The following ITGA9 variants were observed in gnomAD, a reference collection of about 807,000 sequenced individuals.
ITGA9 encodes integrin alpha-9.
A neutral mutation model predicts 127.8 loss-of-function variants in ITGA9; 56 were observed. The ratio of observed to expected loss-of-function variants is 0.44; its 90% CI spans 0.35 to 0.55. ITGA9 has a LOEUF of 0.55. ITGA9 is among the 20% of genes least tolerant of loss of function. The pLI is 0.00. For synonymous variants in ITGA9, 508 were observed against 514.5 expected (o/e 0.99, Z 0.17); for missense variants, 1,196 against 1,347.1 (o/e 0.89, Z 1.76).
Position 37,470,989 on chromosome 3 carries a change from C to CT in ITGA9, c.186-13dup. 1 of 1,613,882 alleles carries CT rather than the reference C, an allele frequency of 6.2e-7. No homozygotes were observed. The highest frequency in any genetic ancestry group is 1.6e-4 in the Middle Eastern group (1 of 6,062). ...CTTATCGTAGGTTGTGACAGAATGC[C>CT]TTTTTCTCTTGCTGCAGGGTCCTTG... On this transcript the variant is annotated splice_polypyrimidine_tract_variant and intron_variant, in intron 1 of 27. Transcript: ENST00000264741.
intron 26 of ITGA9, among the ~76,000 whole-genome samples, chr3:37,787,382 A>G (rs1357285106): frequency 6.6e-6 from 1 of 152,134 alleles, no homozygotes; most frequent in Non-Finnish European, 1.5e-5. Flanking sequence ...TTGGATTCCA[A>G]GTCATCTGTA....
intron 26 of ITGA9, chr3:37,790,401 C>A: frequency 2.1e-6 from 1 of 472,562 alleles, no homozygotes; most frequent in South Asian, 1.6e-5. Flanking sequence ...CTGCTCGGTT[C>A]TCTCGGTTGG....
intron 18 of ITGA9, among the ~76,000 whole-genome samples, chr3:37,713,644 G>A (rs974753809): frequency 6.6e-6 from 1 of 152,206 alleles, no homozygotes; most frequent in Non-Finnish European, 1.5e-5. Flanking sequence ...GAACAGGGCA[G>A]GAAATCTGAA....
Position 37,452,599 on chromosome 3 carries a change from C to T in ITGA9, c.185+40C>T. 1 of 1,473,678 alleles carries T rather than the reference C, an allele frequency of 6.8e-7. No individual in the cohort carries two copies. The highest frequency in any genetic ancestry group is 9.0e-7 in the Non-Finnish European group (1 of 1,107,366). The allele number at this position is 1,473,678 out of a possible 1,614,324, so 91.3% of individuals were successfully genotyped here. On this transcript the variant is annotated intron_variant, in intron 1 of 27. Transcript: ENST00000264741. This position sits in a 1 kb window ranked among gnomAD's most constrained non-coding sequence, Gnocchi z 7.3. ...GACTCCGCGACCCTGGCCCGCGCGG[C>T]CACCGCCCCGGCCCCCAGGCCAGCG...
In ITGA9 at chr3:37,754,785, G is replaced by A. The variant is rs75140062; in HGVS notation, c.2541+4216G>A. 3.3e-4 allele frequency among the ~76,000 whole-genome samples: 51 copies of A among 152,258 alleles called. 1 individual carries two copies. The East Asian group carries it at 9.7e-3, about 29-fold the overall frequency. On this transcript the variant is annotated intron_variant, in intron 23 of 27. Coordinates refer to ENST00000264741, the MANE Select transcript of ITGA9 (RefSeq NM_002207.3). The stretch of plus-strand genomic sequence containing the variant: ...AATCTTCCCTCCCCATGCTTGTACA[G>A]TAGACAGGCCTACCCATGATGTACG...
intron 16 of ITGA9, among the ~76,000 whole-genome samples, chr3:37,639,870 G>A (rs1030488763): frequency 5.9e-5 from 9 of 152,132 alleles, no homozygotes; most frequent in Non-Finnish European, 1.2e-4. Context: ...TGGCTGGTCC[G>A]TGTGCTGGGA....
At chr3:37,572,941 A>G (rs1699617279) in intron 15 of ITGA9, among the ~76,000 whole-genome samples, 2 of 152,250 alleles carry the variant, frequency 1.3e-5, no homozygotes, top group African/African-American at 2.4e-5. Context: ...AGGCTTTGGT[A>G]AGATCTCACA....
At chr3:37,748,983 G>T in intron 22 of ITGA9, 1 of 498,592 alleles carries the variant, frequency 2.0e-6, no homozygotes, top group Non-Finnish European at 3.6e-6. Flanking sequence ...CATTGACATA[G>T]CTTCTTGTAT....
In ITGA9 at chr3:37,498,924, T is replaced by G. The variant is rs1318395217; in HGVS notation, c.613-4254T>G. On this transcript the variant is annotated intron_variant, in intron 5 of 27. Transcript: ENST00000264741. ...GCGCGACTCCCCTCCTCTGCCCTCT[T>G]GCTGACCTCGCCACTTGGGCTTGCC... 2.6e-5 allele frequency among the ~76,000 whole-genome samples: 4 copies of G among 152,352 alleles called. No individual in the cohort carries two copies. In the East Asian group the frequency reaches 7.7e-4, roughly 29 times the overall value.
intron 20 of ITGA9, among the ~76,000 whole-genome samples, chr3:37,741,147 C>T (rs1328119476): frequency 6.6e-6 from 1 of 152,174 alleles, no homozygotes; most frequent in Admixed American, 6.5e-5. Context: ...ACCCCTCAGC[C>T]CTCACCCTTC....
chr3:37,628,216 C>T (rs79305345), intron 15 of ITGA9, among the ~76,000 whole-genome samples: 14,377 of 152,154 alleles, frequency 0.094, 759 homozygotes, highest in East Asian at 0.14. Flanking sequence ...TCCTTTGACA[C>T]GTCTCAGACT....
intron 23 of ITGA9, among the ~76,000 whole-genome samples, chr3:37,753,192 G>C (rs1042878679): frequency 2.6e-5 from 4 of 152,140 alleles, no homozygotes; most frequent in Admixed American, 6.5e-5. Flanking sequence ...ATCTGAAATA[G>C]CAAAATTACT....
At position 37,803,906 on chromosome 3, in the gene ITGA9, C is replaced by G. The variant is rs138094012; in HGVS notation, c.2973C>G (p.Ile991Met). 6 of 1,614,146 alleles carry G rather than the reference C, an allele frequency of 3.7e-6. No individual in the cohort carries two copies. The African/African-American group carries it at 8.0e-5, about 22-fold the overall frequency. The change falls in exon 27 of 28, where the codon ATC (isoleucine) becomes ATG (methionine). Residue 991 changes from isoleucine to methionine, a missense_variant. Ile to Met is a conservative substitution (Grantham distance 10). Coordinates refer to ENST00000264741, the MANE Select transcript of ITGA9 (RefSeq NM_002207.3). ...WIIAISLLVG[I>M]LIFLLLAVLL... is the part of the protein sequence containing the mutation. ...TCGCCATCAGTTTGTTGGTGGGAAT[C>G]CTCATCTTCCTGCTGCTGGCCGTGC...
rs1157456360 is a variant in ITGA9, at chr3:37,736,974, C to T, written c.2225C>T (p.Thr742Ile). 6.2e-7 allele frequency: 1 copy of T among 1,608,778 alleles called. No individual in the cohort carries two copies. The highest frequency in any genetic ancestry group is 1.1e-5 in the South Asian group (1 of 90,946). The change falls in exon 20 of 28, where the codon ACT becomes ATT. Residue 742 changes from threonine (T) to isoleucine (I), a missense_variant. By Grantham distance (89) the Thr-to-Ile change is moderately conservative. Transcript: ENST00000264741. ...GEEEVLSFIV[T>I]AQSGNTERSE... ...GAGGAAGTTCTCAGCTTCATTGTTA[C>T]TGCTCAGAGGTAAGGGGGGGGTTTA...
chr3:37,758,119 C>T (rs572657078), intron 23 of ITGA9, among the ~76,000 whole-genome samples: 1 of 149,938 alleles, frequency 6.7e-6, no homozygotes, highest in South Asian at 2.1e-4. Flanking sequence ...GTCAGGAGAT[C>T]GAGACCATCC....
At chr3:37,595,268 C>T (rs1219826999) in intron 15 of ITGA9, among the ~76,000 whole-genome samples, 2 of 152,104 alleles carry the variant, frequency 1.3e-5, no homozygotes, top group East Asian at 3.9e-4. Flanking sequence ...CTATGGCCAG[C>T]TCCACCACCA....
At chr3:37,491,124 G>C (rs1698668345) in intron 4 of ITGA9, among the ~76,000 whole-genome samples, 1 of 151,884 alleles carries the variant, frequency 6.6e-6, no homozygotes, top group African/African-American at 2.4e-5. Flanking sequence ...CTACAGGTGT[G>C]CACCACCGCA....
At chr3:37,763,376 T>A (rs1328090277) in intron 23 of ITGA9, among the ~76,000 whole-genome samples, 1 of 152,130 alleles carries the variant, frequency 6.6e-6, no homozygotes, top group Non-Finnish European at 1.5e-5. Context: ...CCTTGCCAAG[T>A]CTATGTCTTT....
intron 1 of ITGA9, among the ~76,000 whole-genome samples, chr3:37,468,753 A>G (rs1010273070): frequency 6.6e-6 from 1 of 152,224 alleles, no homozygotes; most frequent in African/African-American, 2.4e-5. Context: ...CAAATACATA[A>G]TATGTAATGC....
Sources: gnomAD v4.1 joint callset for allele counts (sites outside exome capture counted in the v4.1 genomes callset) on GRCh38, gnomAD v4.1.1 for gene constraint, Gnocchi (gnomAD v3.1) non-coding constraint, MANE v1.5 for transcripts, NCBI Gene and HGNC (gene_info 2026-07-23, HGNC 2026-07-21) for gene names.